Variants in EPC2 observed in about 807,000 individuals in gnomAD.
EPC2 encodes the protein enhancer of polycomb homolog 2.
In EPC2, 14 loss-of-function variants were observed where a neutral mutation model predicts 92.1. The ratio of observed to expected loss-of-function variants is 0.15; its 90% CI spans 0.10 to 0.24. The LOEUF is 0.24. EPC2 is among the 10% of genes least tolerant of loss of function. The pLI is 1.00. For missense variants in EPC2, 755 were observed against 971.5 expected, an observed-to-expected ratio of 0.78 and a Z score of 2.96; for synonymous variants, 340 against 334.7, an observed-to-expected ratio of 1.02 and a Z score of -0.17.
At chr2:148,745,497 A>G (rs948839533) in intron 3 of EPC2, among the ~76,000 whole-genome samples, 1 of 152,148 alleles carries the variant, frequency 6.6e-6, no homozygotes, top group Non-Finnish European at 1.5e-5. Flanking sequence ...ACAAAAAAAC[A>G]TGTAAGCAAT....
intron 10 of EPC2, among the ~76,000 whole-genome samples, chr2:148,772,964 C>T (rs1163769109): frequency 6.6e-6 from 1 of 152,038 alleles, no homozygotes. Flanking sequence ...TTACATTTGA[C>T]CATAGGCTGA....
At chr2:148,702,871 G>A (rs1361755569) in intron 2 of EPC2, among the ~76,000 whole-genome samples, 1 of 151,880 alleles carries the variant, frequency 6.6e-6, no homozygotes, top group African/African-American at 2.4e-5. Flanking sequence ...GCTATCATTA[G>A]TGTATTTTAT....
intron 1 of EPC2, among the ~76,000 whole-genome samples, chr2:148,677,825 C>T (rs1681301528): frequency 6.6e-6 from 1 of 152,010 alleles, no homozygotes; most frequent in Non-Finnish European, 1.5e-5. Flanking sequence ...GTTGTTTGTT[C>T]CTCCCGGTGG....
intron 10 of EPC2, among the ~76,000 whole-genome samples, chr2:148,776,856 C>CTTTTTTTTTTTTTTTTTTTT (rs56073706): frequency 3.0e-5 from 3 of 101,030 alleles, no homozygotes; most frequent in African/African-American, 1.1e-4. Context: ...GTCTCTCTCT[C>CTTTTTTTTTTTTTTTTTTTT]TTTTTTTTTT....
chr2:148,656,725 ATG>A lies in EPC2; in HGVS notation c.153+11558_153+11559del, dbSNP rs1390971186. 6.6e-5 allele frequency among the ~76,000 whole-genome samples: 10 copies of A among 152,304 alleles called. No individual in the cohort carries two copies. In the South Asian group the frequency reaches 2.1e-3, roughly 32 times the overall value. ...TGTGACTGAATGTACAGCACCTTCT[ATG>A]TGCTTTAGACGCAGAAAGGAGTAAG... On this transcript the variant is annotated intron_variant, in intron 1 of 13. Transcript: ENST00000258484.
intron 2 of EPC2, among the ~76,000 whole-genome samples, chr2:148,734,579 G>A (rs1179745277): frequency 6.6e-6 from 1 of 152,114 alleles, no homozygotes; most frequent in East Asian, 1.9e-4. Context: ...ATGGAGTTCA[G>A]TAATAATAAT....
chr2:148,718,470 G>A (rs1309159585), intron 2 of EPC2, among the ~76,000 whole-genome samples: 1 of 152,170 alleles, frequency 6.6e-6, no homozygotes, highest in Non-Finnish European at 1.5e-5. Flanking sequence ...TGTCTGAAAA[G>A]GATCTTATTT....
chr2:148,712,462 T>G (rs544873029), intron 2 of EPC2, among the ~76,000 whole-genome samples: 2 of 152,338 alleles, frequency 1.3e-5, no homozygotes, highest in East Asian at 3.9e-4. Flanking sequence ...TGATCAATGA[T>G]GAACCACATA....
At chr2:148,713,352 A>G (rs565451085) in intron 2 of EPC2, among the ~76,000 whole-genome samples, 2 of 152,338 alleles carry the variant, frequency 1.3e-5, no homozygotes, top group East Asian at 3.9e-4. Flanking sequence ...TGACACAAAA[A>G]AATTTATAAA....
At chr2:148,701,044 G>A (rs1454252118) in intron 2 of EPC2, among the ~76,000 whole-genome samples, 1 of 152,050 alleles carries the variant, frequency 6.6e-6, no homozygotes, top group East Asian at 1.9e-4. Context: ...AAATGGTGTT[G>A]TTCCTTAATT....
intron 2 of EPC2, among the ~76,000 whole-genome samples, chr2:148,712,697 C>G (rs563743458): frequency 1.2e-4 from 18 of 152,096 alleles, no homozygotes; most frequent in Non-Finnish European, 2.2e-4. Flanking sequence ...GGAGACCAGC[C>G]TGGGCAGAGA....
chr2:148,754,164 A>AACC, intron 4 of EPC2, 31 bp downstream of exon 4: 1 of 1,487,014 alleles, frequency 6.7e-7, no homozygotes, highest in Non-Finnish European at 9.1e-7. Context: ...CATTGAAGGT[A>AACC]GCTTAATAGT....
intron 2 of EPC2, among the ~76,000 whole-genome samples, chr2:148,722,169 G>T (rs1682393075): frequency 6.6e-6 from 1 of 152,112 alleles, no homozygotes; most frequent in African/African-American, 2.4e-5. Flanking sequence ...GTTTTGTGGG[G>T]TGAGATTTGA....
chr2:148,695,786 A>T (rs535894800), intron 2 of EPC2, among the ~76,000 whole-genome samples: 5 of 152,370 alleles, frequency 3.3e-5, no homozygotes, highest in African/African-American at 4.8e-5. Flanking sequence ...TTGGATGTGT[A>T]TTAAGAAATT....
chr2:148,656,251 T>G (rs1029543069), intron 1 of EPC2, among the ~76,000 whole-genome samples: 9 of 152,180 alleles, frequency 5.9e-5, no homozygotes, highest in African/African-American at 1.7e-4. Context: ...TGTTGATTGT[T>G]TGTAGTTTGG....
intron 2 of EPC2, among the ~76,000 whole-genome samples, chr2:148,731,742 C>T (rs1035688306): frequency 1.3e-5 from 2 of 152,174 alleles, no homozygotes; most frequent in African/African-American, 4.8e-5. Context: ...TTTGTATAAA[C>T]ATGGATATTG....
chr2:148,773,071 C>T (rs1683558230), intron 10 of EPC2, among the ~76,000 whole-genome samples: 1 of 152,088 alleles, frequency 6.6e-6, no homozygotes, highest in Non-Finnish European at 1.5e-5. Flanking sequence ...TTCTCCTATA[C>T]ATTCCAGATT....
intron 2 of EPC2, among the ~76,000 whole-genome samples, chr2:148,738,046 A>G (rs987168034): frequency 3.3e-5 from 5 of 152,136 alleles, no homozygotes; most frequent in Admixed American, 6.5e-5. Context: ...CTGCTAATAC[A>G]TGCCATTTAT....
intron 1 of EPC2, among the ~76,000 whole-genome samples, chr2:148,665,584 A>G (rs931402616): frequency 3.3e-5 from 5 of 152,240 alleles, no homozygotes; most frequent in Non-Finnish European, 5.9e-5. Flanking sequence ...GCATTATACA[A>G]CTTATAATTA....
Sources: gnomAD v4.1 joint callset for allele counts (sites outside exome capture counted in the v4.1 genomes callset) on GRCh38, gnomAD v4.1.1 for gene constraint, MANE v1.5 for transcripts, NCBI Gene and HGNC (gene_info 2026-07-23, HGNC 2026-07-21) for gene names.